Variants in XKR9 observed in about 807,000 individuals in gnomAD.
XKR9 encodes the protein XK-related protein 9.
In XKR9, 32 loss-of-function variants were observed where a neutral mutation model predicts 32.0. The observed-to-expected ratio is 1.00, with a 90% CI of 0.76 to 1.34. The LOEUF (loss-of-function observed/expected upper bound fraction) is 1.34, where lower values mean the gene tolerates loss of function less well. Among genes scored for constraint, XKR9 ranks in the 40% most tolerant of loss-of-function variants. The pLI is 0.00. For synonymous variants in XKR9, 168 were observed against 143.4 expected (o/e 1.17, Z -1.22); for missense variants, 546 against 429.7 (o/e 1.27, Z -2.39).
downstream of XKR9, among the ~76,000 whole-genome samples, chr8:70,791,224 C>T (rs983794490): frequency 4.6e-5 from 7 of 151,656 alleles, no homozygotes; most frequent in South Asian, 2.1e-4. Context: ...GTAATCCCAG[C>T]GCTTTGGAAA....
the XKR9 span, among the ~76,000 whole-genome samples, chr8:70,886,043 C>T: frequency 1.3e-5 from 2 of 152,142 alleles, no homozygotes; most frequent in African/African-American, 4.8e-5. Flanking sequence ...CTCCCCTAGT[C>T]CCCTACCCCC....
the XKR9 span, among the ~76,000 whole-genome samples, chr8:70,809,350 CAG>C: frequency 2.0e-5 from 3 of 152,150 alleles, no homozygotes; most frequent in African/African-American, 7.2e-5. Context: ...GGGAAAAAAA[CAG>C]AGAAGAAAAA....
the XKR9 span, among the ~76,000 whole-genome samples, chr8:70,805,589 A>G: frequency 6.6e-6 from 1 of 152,204 alleles, no homozygotes; most frequent in South Asian, 2.1e-4. Flanking sequence ...GAGACTGGAC[A>G]ACTTGGTCCC....
chr8:70,904,430 G>A, the XKR9 span, among the ~76,000 whole-genome samples: 116 of 150,178 alleles, frequency 7.7e-4, no homozygotes, highest in African/African-American at 2.7e-3. Flanking sequence ...CAGAGACTGG[G>A]ATTACAAACC....
chr8:71,012,503 T>TA, the XKR9 span, among the ~76,000 whole-genome samples: 4 of 152,180 alleles, frequency 2.6e-5, no homozygotes, highest in African/African-American at 9.7e-5. Context: ...AGCTGAGATG[T>TA]ACCCTGGGAA....
At chr8:70,693,616 G>C (rs1235436608) in intron 3 of XKR9, among the ~76,000 whole-genome samples, 1 of 152,134 alleles carries the variant, frequency 6.6e-6, no homozygotes, top group Non-Finnish European at 1.5e-5. Flanking sequence ...GTGGCCAAGG[G>C]TCATTTGCTT....
chr8:70,833,328 A>G, the XKR9 span, among the ~76,000 whole-genome samples: 2 of 152,230 alleles, frequency 1.3e-5, no homozygotes, highest in Non-Finnish European at 2.9e-5. Flanking sequence ...TGTCATAGCA[A>G]TCACTATGAC....
chr8:70,887,021 G>A, the XKR9 span, among the ~76,000 whole-genome samples: 1 of 152,044 alleles, frequency 6.6e-6, no homozygotes, highest in Non-Finnish European at 1.5e-5. Context: ...GAATGGTGTC[G>A]CCTAGGTTTC....
At chr8:70,919,473 G>A in the XKR9 span, among the ~76,000 whole-genome samples, 2 of 152,138 alleles carry the variant, frequency 1.3e-5, no homozygotes, top group African/African-American at 4.8e-5. Context: ...GAGAAGACAG[G>A]AAGAATAGAT....
chr8:70,779,335 C>T (rs1586895316), intron 2 of XKR9, among the ~76,000 whole-genome samples: 1 of 152,140 alleles, frequency 6.6e-6, no homozygotes, highest in East Asian at 1.9e-4. Context: ...TTTTGATATG[C>T]TGCTGGATTC....
At chr8:70,963,406 T>A in the XKR9 span, among the ~76,000 whole-genome samples, 30 of 152,240 alleles carry the variant, frequency 2.0e-4, no homozygotes, top group Non-Finnish European at 2.9e-5. Context: ...TTTGCTGTTG[T>A]GAGTAGTACT....
intron 2 of XKR9, among the ~76,000 whole-genome samples, chr8:70,747,020 T>C (rs559309901): frequency 2.0e-4 from 31 of 152,316 alleles, no homozygotes; most frequent in African/African-American, 7.2e-4. Context: ...CATGTGGTTT[T>C]CTGTTTCTGT....
chr8:70,992,383 G>A, the XKR9 span, among the ~76,000 whole-genome samples: 9 of 152,062 alleles, frequency 5.9e-5, no homozygotes, highest in East Asian at 1.7e-3. Context: ...CCTGTTCTTA[G>A]TCTTTAAAAG....
the XKR9 span, among the ~76,000 whole-genome samples, chr8:70,831,663 A>G: frequency 1.1e-4 from 17 of 152,018 alleles, no homozygotes; most frequent in Non-Finnish European, 2.1e-4. Flanking sequence ...TGGGGTTTCT[A>G]TAATTTTTAT....
chr8:70,961,453 G>T, the XKR9 span, among the ~76,000 whole-genome samples: 1 of 152,080 alleles, frequency 6.6e-6, no homozygotes, highest in Admixed American at 6.5e-5. Context: ...TATTCAAGAC[G>T]GGGAAATGGG....
the XKR9 span, among the ~76,000 whole-genome samples, chr8:71,018,952 A>T: frequency 6.6e-6 from 1 of 152,214 alleles, no homozygotes; most frequent in Non-Finnish European, 1.5e-5. Flanking sequence ...GCCCTATTGG[A>T]TAGTTTTGGA....
chr8:70,928,767 C>A, the XKR9 span, among the ~76,000 whole-genome samples: 2 of 152,116 alleles, frequency 1.3e-5, no homozygotes, highest in African/African-American at 4.8e-5. Flanking sequence ...TTCTCATCTC[C>A]CAGCTGGCAC....
At chr8:70,968,811 C>A in the XKR9 span, among the ~76,000 whole-genome samples, 1 of 152,200 alleles carries the variant, frequency 6.6e-6, no homozygotes, top group Non-Finnish European at 1.5e-5. Context: ...GCAACCTGCT[C>A]ATTCCTCTGG....
At chr8:70,927,687 A>AG in the XKR9 span, among the ~76,000 whole-genome samples, 2 of 152,148 alleles carry the variant, frequency 1.3e-5, no homozygotes, top group Admixed American at 1.3e-4. Flanking sequence ...TCATGACTTA[A>AG]TCACTTCCCC....
Sources: gnomAD v4.1 joint callset for allele counts (sites outside exome capture counted in the v4.1 genomes callset) on GRCh38, gnomAD v4.1.1 for gene constraint, MANE v1.5 for transcripts, NCBI Gene and HGNC (gene_info 2026-07-23, HGNC 2026-07-21) for gene names.